NOMO3: variants seen among roughly 807,000 people sequenced by gnomAD.
NOMO3 encodes NODAL modulator 3.
In NOMO3, 15 loss-of-function variants were observed where a neutral mutation model predicts 69.9. The ratio of observed to expected loss-of-function variants is 0.21; its 90% CI spans 0.14 to 0.33. The LOEUF (loss-of-function observed/expected upper bound fraction) is 0.33, where lower values mean the gene tolerates loss of function less well. NOMO3 is among the 10% of genes least tolerant of loss of function. The pLI is 1.00. For synonymous variants in NOMO3, 89 were observed against 301.9 expected (o/e 0.29, Z 7.31); for missense variants, 218 against 761.0 (o/e 0.29, Z 8.39).
chr16:16,264,839 C>T lies in NOMO3; in HGVS notation c.1670-204C>T, dbSNP rs550529956. ...CTGGGATTATAGGCATGAGCCACCA[C>T]GCTCGACTCCAGGTTTTCTTTAGCA... is the stretch of plus-strand genomic sequence containing the variant. On this transcript the variant is annotated intron_variant, in intron 14 of 30. Coordinates refer to ENST00000399336, the MANE Select transcript of NOMO3 (RefSeq NM_001004067.4). Among the ~76,000 whole-genome samples the T allele has an allele frequency of 6.6e-5, 9 of 135,794 alleles. 1 individual carries two copies. The highest frequency in any genetic ancestry group is 2.8e-4 in the African/African-American group (9 of 32,620). The allele number at this position is 135,794 out of a possible 152,430, so 89.1% of individuals were successfully genotyped here. A position where few individuals can be genotyped will look rare whatever the true frequency, so the allele number is the denominator to read the frequency against.
At chr16:16,248,798 T>A in intron 6 of NOMO3, among the ~76,000 whole-genome samples, 1 of 152,242 alleles carries the variant, frequency 6.6e-6, no homozygotes, top group Non-Finnish European at 1.5e-5. Flanking sequence ...TAAAGACATG[T>A]ATGGGAATAG....
rs752615349 is a variant in NOMO3, at chr16:16,261,548, G to A, written c.1267G>A (p.Val423Ile). Residue 423 changes from valine to isoleucine, a missense_variant, in exon 12 of 31, where the codon GTC becomes ATC. Val to Ile is a conservative substitution (Grantham distance 29, BLOSUM62 3). Coordinates refer to ENST00000399336, the MANE Select transcript of NOMO3 (RefSeq NM_001004067.4). ...QISIIRFPDT[V>I]KQMNKYKVVL... ...ATCAATCATTCGCTTCCCCGACACCGTCAAGCAGATGAATAAATACAAAGT... is the reference window on the plus strand; with the variant it reads ...ATCAATCATTCGCTTCCCCGACACCATCAAGCAGATGAATAAATACAAAGT... The A allele has an allele frequency of 2.5e-5, 39 of 1,588,240 alleles. 3 individuals are homozygous for A. Among genetic ancestry groups the A allele is most frequent in the Middle Eastern group, 2.3e-4 (1 of 4,384 alleles).
At chr16:16,242,855 A>G (rs1405184396) in intron 3 of NOMO3, among the ~76,000 whole-genome samples, 1 of 142,946 alleles carries the variant, frequency 7.0e-6, no homozygotes, top group Non-Finnish European at 1.5e-5. Flanking sequence ...GTGCTCACTG[A>G]ATTTTCACTG....
intron 4 of NOMO3, among the ~76,000 whole-genome samples, chr16:16,243,870 T>C (rs1481656927): frequency 6.9e-6 from 1 of 144,146 alleles, no homozygotes; most frequent in Admixed American, 6.8e-5. Flanking sequence ...GGATGCCGAA[T>C]TGGAAGGACA....
intron 11 of NOMO3, 122 bp downstream of exon 11, chr16:16,256,280 T>A (rs2049511581): frequency 7.1e-7 from 1 of 1,412,032 alleles, no homozygotes; most frequent in South Asian, 1.4e-5. Context: ...TTAGTACTTT[T>A]TTTTTTTTTT....
At chr16:16,264,864 A>G (rs2049595954) in intron 14 of NOMO3, among the ~76,000 whole-genome samples, 179 bp from the exon 15 acceptor site, 2 of 134,882 alleles carry the variant, frequency 1.5e-5, no homozygotes, top group South Asian at 4.7e-4. Context: ...TTTCTTTAGC[A>G]GTAATTTATT....
chr16:16,235,988 G>T (rs1198137631), intron 1 of NOMO3: 1 of 314,932 alleles, frequency 3.2e-6, no homozygotes, highest in Non-Finnish European at 6.2e-6. Flanking sequence ...CATCTTACTG[G>T]GTTAACACTT....
intron 1 of NOMO3, among the ~76,000 whole-genome samples, chr16:16,235,621 G>A (rs914327694): frequency 4.8e-5 from 7 of 144,804 alleles, no homozygotes; most frequent in Non-Finnish European, 1.5e-5. Context: ...GCCTCAAGCA[G>A]TCCTCCTGCC....
Position 16,263,063 on chromosome 16 carries a change from C to A in NOMO3, c.1396-11C>A, listed in dbSNP as rs763129657. The A allele has an allele frequency of 2.0e-5, 32 of 1,595,092 alleles. 1 individual carries two copies. Among genetic ancestry groups the A allele is most frequent in the East Asian group, 9.7e-5 (4 of 41,250 alleles). Reference sequence around the variant, plus strand: ...AATGCAGCCTCTAACGTTCCATCCACGTTTCCGCAGGTGATGGTTCCTGAG... The same window carrying A: ...AATGCAGCCTCTAACGTTCCATCCAAGTTTCCGCAGGTGATGGTTCCTGAG... On this transcript the variant is annotated splice_polypyrimidine_tract_variant and intron_variant, in intron 12 of 30. Coordinates refer to ENST00000399336, the MANE Select transcript of NOMO3 (RefSeq NM_001004067.4).
chr16:16,239,375 T>G (rs1275197924), intron 2 of NOMO3, among the ~76,000 whole-genome samples: 4 of 144,532 alleles, frequency 2.8e-5, no homozygotes, highest in African/African-American at 5.5e-5. Flanking sequence ...AGGCTGGTCT[T>G]GAACTCCTGG....
intron 2 of NOMO3, among the ~76,000 whole-genome samples, chr16:16,237,194 C>T (rs1166430252): frequency 6.9e-6 from 1 of 144,710 alleles, no homozygotes; most frequent in African/African-American, 2.8e-5. Flanking sequence ...TGTTTAGGAC[C>T]ATTTGGCAAT....
intron 5 of NOMO3, 199 bp from the exon 6 acceptor site, chr16:16,247,194 GCA>G (rs1465206584): frequency 1.6e-5 from 5 of 320,982 alleles, no homozygotes; most frequent in Non-Finnish European, 2.8e-5. Context: ...ACCCCTCTTG[GCA>G]CACAGTAAGT....
chr16:16,235,389 G>T (rs2049318459), intron 1 of NOMO3, among the ~76,000 whole-genome samples: 1 of 148,534 alleles, frequency 6.7e-6, no homozygotes, highest in Non-Finnish European at 1.5e-5. Flanking sequence ...GAGTGGTTGA[G>T]CTGTGCAGGT....
rs1473537319 is a variant in NOMO3, at chr16:16,264,796, C to T, written c.1670-247C>T. On this transcript the variant is annotated intron_variant, in intron 14 of 30. Coordinates refer to ENST00000399336, the MANE Select transcript of NOMO3 (RefSeq NM_001004067.4). ...CTCCTGGCTTCAAGCCATCCACTGC[C>T]GTCGGCCTCCCAGAGTGCTGGGATT... 2.9e-5 allele frequency among the ~76,000 whole-genome samples: 4 copies of T among 136,998 alleles called. 1 individual carries two copies. Among genetic ancestry groups the T allele is most frequent in the South Asian group, 4.6e-4 (2 of 4,328 alleles). The allele number at this position is 136,998 out of a possible 152,430, so 89.9% of individuals were successfully genotyped here.
At position 16,233,589 on chromosome 16, in the gene NOMO3, G is replaced by A. The variant is rs1274397483; in HGVS notation, c.165+758G>A. Reference sequence around the variant, plus strand: ...GGGATTATGACCCAGAAAGGTTCCCGTAAAGAGGAAAGGGATGGATGGAGG... The same window carrying A: ...GGGATTATGACCCAGAAAGGTTCCCATAAAGAGGAAAGGGATGGATGGAGG... On this transcript the variant is annotated intron_variant, in intron 1 of 30. Transcript: ENST00000399336. Among the ~76,000 whole-genome samples the A allele has an allele frequency of 1.8e-3, 167 of 91,964 alleles. 3 individuals are homozygous for A. The highest frequency in any genetic ancestry group is 2.9e-3 in the Non-Finnish European group (132 of 45,494). The allele number at this position is 91,964 out of a possible 152,430, so 60.3% of individuals were successfully genotyped here.
intron 11 of NOMO3, chr16:16,261,167 T>C: frequency 2.9e-6 from 1 of 341,628 alleles, no homozygotes; most frequent in South Asian, 3.2e-5. Flanking sequence ...AACGATCCAA[T>C]TACCTGAAAC....
chr16:16,259,429 G>A (rs1277078148), intron 11 of NOMO3, among the ~76,000 whole-genome samples: 1 of 140,350 alleles, frequency 7.1e-6, no homozygotes, highest in Non-Finnish European at 1.5e-5. Flanking sequence ...GCTCACTGCA[G>A]CCTCCGCCTC....
chr16:16,260,924 T>A (rs1278493483), intron 11 of NOMO3: 1 of 139,250 alleles, frequency 7.2e-6, no homozygotes, highest in Non-Finnish European at 1.6e-5. Flanking sequence ...TTGTGGCTCC[T>A]ACCTCCCAAG....
At chr16:16,265,681 T>A (rs1390518481) in intron 15 of NOMO3, among the ~76,000 whole-genome samples, 3 of 40,050 alleles carry the variant, frequency 7.5e-5, no homozygotes, top group South Asian at 1.3e-3. Context: ...TTTTTTTTTT[T>A]TTTTTTTTTT....
Sources: allele counts gnomAD v4.1 joint callset (sites outside exome capture counted in the v4.1 genomes callset), GRCh38; gene constraint gnomAD v4.1.1; transcripts MANE v1.5; gene names NCBI Gene and HGNC (gene_info 2026-07-23, HGNC 2026-07-21).